Variants in TGFBR3 observed in about 807,000 individuals in gnomAD.
TGFBR3 encodes transforming growth factor beta receptor type 3.
A neutral mutation model predicts 87.9 loss-of-function variants in TGFBR3; 46 were observed. That is an observed-to-expected ratio of 0.52 (90% CI 0.41 to 0.67). The LOEUF is 0.67. Ranked by LOEUF, TGFBR3 falls within the 30% of genes least tolerant of loss-of-function variation. TGFBR3 has a pLI of 0.00. For missense variants in TGFBR3, 866 were observed against 1,041.9 expected (o/e 0.83, Z 2.32); for synonymous variants, 381 against 391.6 (o/e 0.97, Z 0.32).
At chr1:91,766,038 C>CA (rs1480556870) in intron 3 of TGFBR3, among the ~76,000 whole-genome samples, 1 of 151,788 alleles carries the variant, frequency 6.6e-6, no homozygotes, top group African/African-American at 2.4e-5. Flanking sequence ...TCAAGTTCTC[C>CA]TTTTTTTGAG....
rs570314767 is a variant in TGFBR3 at position 91,680,643 on chromosome 1, C to T, written c.*3096G>A. 4.4e-6 allele frequency: 2 copies of T among 453,814 alleles called. No homozygotes were observed. The highest frequency in any genetic ancestry group is 2.0e-5 in the African/African-American group (1 of 50,000). 28.1% of individuals were successfully genotyped at this position (453,814 alleles called of 1,614,324 possible). A position where few individuals can be genotyped will look rare whatever the true frequency, so the allele number is the denominator to read the frequency against. The stretch of plus-strand genomic sequence containing the variant: ...ACATCTGTCAGTTTCATGAACAACC[C>T]CCAGATAAAACAAACATGAAAAAAA... On this transcript the variant is annotated 3_prime_UTR_variant, in exon 17 of 17. Coordinates refer to ENST00000212355, the MANE Select transcript of TGFBR3 (RefSeq NM_003243.5).
chr1:91,754,920 C>G (rs1673684611), intron 4 of TGFBR3: 2 of 152,124 alleles, frequency 1.3e-5, no homozygotes, highest in African/African-American at 2.4e-5. Context: ...TTCTGTAACT[C>G]TACGTACACA....
chr1:91,811,555 T>C (rs974011278), intron 2 of TGFBR3, among the ~76,000 whole-genome samples: 1 of 152,190 alleles, frequency 6.6e-6, no homozygotes, highest in Non-Finnish European at 1.5e-5. Flanking sequence ...TCAAAAAGTT[T>C]GGATTTTGCT....
intron 2 of TGFBR3, among the ~76,000 whole-genome samples, chr1:91,841,293 G>A (rs1272117531): frequency 6.6e-6 from 1 of 152,166 alleles, no homozygotes; most frequent in Non-Finnish European, 1.5e-5. Flanking sequence ...ATGCAGAAAT[G>A]CAACATACGT....
intron 16 of TGFBR3, among the ~76,000 whole-genome samples, chr1:91,690,262 C>T (rs1671222452): frequency 6.6e-6 from 1 of 152,110 alleles, no homozygotes; most frequent in Non-Finnish European, 1.5e-5. Context: ...TCCTCCCTCG[C>T]TCCACTGGGC....
At chr1:91,749,253 T>C (rs1040600132) in intron 4 of TGFBR3, among the ~76,000 whole-genome samples, 4 of 152,136 alleles carry the variant, frequency 2.6e-5, no homozygotes, top group African/African-American at 9.7e-5. Context: ...AGGCCAGAGA[T>C]CAAATGGACT....
intron 3 of TGFBR3, among the ~76,000 whole-genome samples, chr1:91,779,598 A>T (rs1336347469): frequency 2.6e-5 from 4 of 152,232 alleles, no homozygotes; most frequent in Non-Finnish European, 5.9e-5. Context: ...ATAGGATTGG[A>T]TATGACATCT....
intron 16 of TGFBR3, among the ~76,000 whole-genome samples, chr1:91,688,201 T>C (rs187886840): frequency 1.3e-5 from 2 of 152,356 alleles, no homozygotes; most frequent in East Asian, 1.9e-4. Context: ...TCCTGCCTAC[T>C]ACTTTCTTTC....
chr1:91,710,473 A>C (rs749066448), intron 13 of TGFBR3, among the ~76,000 whole-genome samples: 2 of 152,152 alleles, frequency 1.3e-5, no homozygotes, highest in African/African-American at 2.4e-5. Flanking sequence ...CCTGGGCAAG[A>C]CACTCTGCTC....
chr1:91,835,073 G>C (rs1004810635), intron 2 of TGFBR3, among the ~76,000 whole-genome samples: 23 of 152,154 alleles, frequency 1.5e-4, no homozygotes, highest in Admixed American at 3.3e-4. Flanking sequence ...GGGGGGCCCA[G>C]AGACCCAGCC....
At chr1:91,741,753 C>T (rs1194620604) in intron 4 of TGFBR3, among the ~76,000 whole-genome samples, 1 of 152,124 alleles carries the variant, frequency 6.6e-6, no homozygotes, top group Non-Finnish European at 1.5e-5. Context: ...CATCTTCCAC[C>T]TTATCCCTGG....
intron 7 of TGFBR3, among the ~76,000 whole-genome samples, chr1:91,723,500 AAAAAAAAAG>A (rs1672444349): frequency 7.8e-6 from 1 of 127,742 alleles, no homozygotes; most frequent in Non-Finnish European, 1.7e-5. Context: ...AAAAAAAAAA[AAAAAAAAAG>A]ACTAGCTTTC....
At chr1:91,827,144 G>A (rs559147684) in intron 2 of TGFBR3, among the ~76,000 whole-genome samples, 131 of 152,286 alleles carry the variant, frequency 8.6e-4, no homozygotes, top group African/African-American at 3.2e-3. Flanking sequence ...GACTTCTAGG[G>A]AAGGTAAGCT....
At chr1:91,808,675 A>G (rs1042409248) in intron 2 of TGFBR3, among the ~76,000 whole-genome samples, 1 of 152,158 alleles carries the variant, frequency 6.6e-6, no homozygotes, top group African/African-American at 2.4e-5. Context: ...CATGTTGGCC[A>G]GGCTGGTCTC....
chr1:91,828,499 A>T (rs938870983), intron 2 of TGFBR3, among the ~76,000 whole-genome samples: 1 of 152,242 alleles, frequency 6.6e-6, no homozygotes, highest in African/African-American at 2.4e-5. Context: ...CCTTAGTTAA[A>T]GGGAAACTAA....
At chr1:91,833,360 C>T (rs1676932161) in intron 2 of TGFBR3, among the ~76,000 whole-genome samples, 2 of 135,366 alleles carry the variant, frequency 1.5e-5, no homozygotes, top group South Asian at 4.8e-4. Flanking sequence ...ACTAGGGAGA[C>T]TGAGGCAGAA....
At chr1:91,828,475 G>T (rs1023145681) in intron 2 of TGFBR3, among the ~76,000 whole-genome samples, 5 of 152,178 alleles carry the variant, frequency 3.3e-5, no homozygotes, top group Non-Finnish European at 7.3e-5. Flanking sequence ...TTGTGGTTAC[G>T]CTTTGACTTA....
intron 1 of TGFBR3, chr1:91,905,768 G>T (rs1163164020): frequency 6.6e-6 from 1 of 152,148 alleles, no homozygotes; most frequent in Non-Finnish European, 1.5e-5. Context: ...AAGCACTTTT[G>T]GTTGCAAATG....
intron 1 of TGFBR3, among the ~76,000 whole-genome samples, chr1:91,873,532 G>GTCCTCGAGACTCCTGTCC (rs1678671367): frequency 6.6e-6 from 1 of 151,612 alleles, no homozygotes; most frequent in Admixed American, 6.6e-5. Context: ...AGTGACAGGA[G>GTCCTCGAGACTCCTGTCC]TCCTCGAGAC....
Sources: gnomAD v4.1 joint callset for allele counts (sites outside exome capture counted in the v4.1 genomes callset) on GRCh38, gnomAD v4.1.1 for gene constraint, MANE v1.5 for transcripts, NCBI Gene and HGNC (gene_info 2026-07-23, HGNC 2026-07-21) for gene names.